Variants in COL26A1 observed in about 807,000 individuals in gnomAD.
COL26A1 encodes collagen alpha-1(XXVI) chain.
Under a neutral mutation model 59.3 loss-of-function variants are expected in COL26A1, and 41 were observed. That is an observed-to-expected ratio of 0.69 (90% CI 0.54 to 0.90). The LOEUF is 0.90. COL26A1 is among the 40% of genes least tolerant of loss of function. The probability of loss-of-function intolerance (pLI) is 0.00; values close to 1 mark genes in which losing one functional copy is unlikely to be tolerated. For missense variants in COL26A1, 612 were observed against 602.3 expected (o/e 1.02, Z -0.17); for synonymous variants, 266 against 256.0 (o/e 1.04, Z -0.37).
intron 1 of COL26A1, among the ~76,000 whole-genome samples, chr7:101,418,560 C>G (rs1043289292): frequency 6.6e-6 from 1 of 152,106 alleles, no homozygotes; most frequent in Non-Finnish European, 1.5e-5. Context: ...CCTCAACCTC[C>G]TGGGCTCAAG....
At chr7:101,443,403 T>C (rs961635056) in intron 2 of COL26A1, among the ~76,000 whole-genome samples, 1 of 152,150 alleles carries the variant, frequency 6.6e-6, no homozygotes, top group South Asian at 2.1e-4. Flanking sequence ...CGTAACAGGA[T>C]TTTTCAGATT....
intron 3 of COL26A1, among the ~76,000 whole-genome samples, chr7:101,494,730 G>A (rs1323397807): frequency 6.6e-6 from 1 of 152,208 alleles, no homozygotes; most frequent in African/African-American, 2.4e-5. Context: ...ACAGCAGGGG[G>A]CCCAGCCCGC....
intron 3 of COL26A1, among the ~76,000 whole-genome samples, chr7:101,506,464 C>T (rs929946442): frequency 6.6e-5 from 10 of 152,218 alleles, no homozygotes; most frequent in Non-Finnish European, 1.2e-4. Context: ...CAAACGGGTC[C>T]AGATTAGACC....
rs114200080 is a variant in COL26A1 at position 101,511,670 on chromosome 7, T to C, written c.386-21412T>C. ...GTATTCATGTGACTACTTGCAACCT[T>C]ACAAAAAGGGGCCCATCAGAAGTGT... is the stretch of plus-strand genomic sequence containing the variant. On this transcript the variant is annotated intron_variant, in intron 3 of 12. Transcript: ENST00000313669. 2.2e-3 allele frequency among the ~76,000 whole-genome samples: 334 copies of C among 152,246 alleles called. 3 individuals are homozygous for C. The highest frequency in any genetic ancestry group is 7.7e-3 in the African/African-American group (320 of 41,550).
intron 3 of COL26A1, among the ~76,000 whole-genome samples, chr7:101,504,590 C>T (rs990293160): frequency 1.3e-5 from 2 of 152,172 alleles, no homozygotes; most frequent in Non-Finnish European, 2.9e-5. Flanking sequence ...ACATGTGTCC[C>T]GGGTCCTGTG....
chr7:101,544,227 CTTTT>C, intron 6 of COL26A1, 131 bp downstream of exon 6: 2 of 575,004 alleles, frequency 3.5e-6, no homozygotes, highest in East Asian at 6.4e-5. Context: ...AAAACGGGGT[CTTTT>C]TTTTTTAATT....
chr7:101,494,127 C>CGTTTTGTTTTGTTTT (rs148496430), intron 3 of COL26A1, among the ~76,000 whole-genome samples: 20 of 151,512 alleles, frequency 1.3e-4, no homozygotes, highest in African/African-American at 4.1e-4. Context: ...ATTGCATTGT[C>CGTTTTGTTTTGTTTT]GTTTTGTTTT....
intron 5 of COL26A1, among the ~76,000 whole-genome samples, chr7:101,541,482 C>G (rs932746105): frequency 6.6e-6 from 1 of 150,934 alleles, no homozygotes; most frequent in East Asian, 1.9e-4. Context: ...GTAGTTGGGA[C>G]TACGAGTGCA....
intron 3 of COL26A1, among the ~76,000 whole-genome samples, chr7:101,518,879 C>G (rs1396329000): frequency 6.6e-6 from 1 of 152,120 alleles, no homozygotes; most frequent in Non-Finnish European, 1.5e-5. Flanking sequence ...AACCCAGCTT[C>G]CTTCATCCAA....
intron 4 of COL26A1, among the ~76,000 whole-genome samples, chr7:101,537,198 C>A (rs920587916): frequency 1.3e-5 from 2 of 152,240 alleles, no homozygotes. Flanking sequence ...GAAGCTGGTC[C>A]AGGATTTCTG....
At chr7:101,441,932 C>T (rs1793067343) in intron 2 of COL26A1, among the ~76,000 whole-genome samples, 1 of 152,188 alleles carries the variant, frequency 6.6e-6, no homozygotes, top group African/African-American at 2.4e-5. Flanking sequence ...CCTCATCATA[C>T]AGACCAGGAA....
chr7:101,518,775 G>A (rs1584480692), intron 3 of COL26A1, among the ~76,000 whole-genome samples: 1 of 152,294 alleles, frequency 6.6e-6, no homozygotes, highest in African/African-American at 2.4e-5. Flanking sequence ...AACAACTGCT[G>A]GGACTGATCA....
intron 3 of COL26A1, among the ~76,000 whole-genome samples, chr7:101,508,517 CAAA>C (rs58872805): frequency 7.8e-6 from 1 of 127,614 alleles, no homozygotes; most frequent in African/African-American, 3.2e-5. Context: ...AAAACCCTGT[CAAA>C]AAAAAAAAAA....
intron 3 of COL26A1, among the ~76,000 whole-genome samples, chr7:101,462,874 C>T (rs116855111): frequency 1.1e-3 from 169 of 152,038 alleles, no homozygotes; most frequent in Non-Finnish European, 2.1e-3. Context: ...CAAGGTTTTC[C>T]ACCTGGATCT....
At chr7:101,371,129 CATTT>C (rs1412210552) in intron 1 of COL26A1, among the ~76,000 whole-genome samples, 26 of 152,314 alleles carry the variant, frequency 1.7e-4, no homozygotes, top group Admixed American at 6.5e-4. Flanking sequence ...CCAGGTCAGG[CATTT>C]AATCACCTTG....
chr7:101,495,325 C>T (rs545002630), intron 3 of COL26A1, among the ~76,000 whole-genome samples: 23 of 152,184 alleles, frequency 1.5e-4, no homozygotes, highest in African/African-American at 4.6e-4. Flanking sequence ...GAGAAGCTGT[C>T]GAGCAATTCA....
intron 1 of COL26A1, among the ~76,000 whole-genome samples, chr7:101,389,377 A>C: frequency 1.1e-5 from 1 of 89,378 alleles, no homozygotes. Context: ...TGATTTGCAC[A>C]TTTTTTTTTT....
At chr7:101,520,660 A>ACACACACACACACACACACCCACC (rs1332257350) in intron 3 of COL26A1, among the ~76,000 whole-genome samples, 1 of 141,622 alleles carries the variant, frequency 7.1e-6, no homozygotes, top group African/African-American at 2.6e-5. Flanking sequence ...ACACACACAC[A>ACACACACACACACACACACCCACC]CACCCCCGTG....
intron 1 of COL26A1, among the ~76,000 whole-genome samples, chr7:101,402,692 ACTG>A (rs1792042119): frequency 1.3e-5 from 1 of 75,752 alleles, no homozygotes; most frequent in Admixed American, 2.1e-4. Flanking sequence ...CCCTCCTTTC[ACTG>A]CTTCCTTTCA....
Sources: gnomAD v4.1 joint callset for allele counts (sites outside exome capture counted in the v4.1 genomes callset) on GRCh38, gnomAD v4.1.1 for gene constraint, MANE v1.5 for transcripts, NCBI Gene and HGNC (gene_info 2026-07-23, HGNC 2026-07-21) for gene names.